ICAM2: variants seen among roughly 807,000 people sequenced by gnomAD.
The protein encoded by ICAM2 is intercellular adhesion molecule 2, also known as ICAM-2.
In ICAM2, 14 loss-of-function variants were observed where a neutral mutation model predicts 19.1. The ratio of observed to expected loss-of-function variants is 0.73; its 90% CI spans 0.48 to 1.15. The LOEUF is 1.15. Ranked by LOEUF, ICAM2 falls within the 50% of genes most tolerant of loss-of-function variation. ICAM2 has a pLI of 0.00. For missense variants in ICAM2, 311 were observed against 355.4 expected (o/e 0.88, Z 1.00); for synonymous variants, 153 against 152.7 (o/e 1.00, Z -0.01).
chr17:64,009,625 G>A (rs1214754382), intron 1 of ICAM2, among the ~76,000 whole-genome samples: 1 of 152,020 alleles, frequency 6.6e-6, no homozygotes, highest in Non-Finnish European at 1.5e-5. Context: ...AGTTACTGTG[G>A]GGCTTGCCCT....
chr17:64,015,197 A>G (rs934355221), intron 1 of ICAM2, among the ~76,000 whole-genome samples: 5 of 152,212 alleles, frequency 3.3e-5, no homozygotes, highest in African/African-American at 1.2e-4. Flanking sequence ...TGGGTTGCAA[A>G]ACAATGAGAA....
chr17:64,009,071 A>G (rs1911337886), intron 1 of ICAM2, among the ~76,000 whole-genome samples: 1 of 152,222 alleles, frequency 6.6e-6, no homozygotes, highest in Non-Finnish European at 1.5e-5. Context: ...CCGTTGACAC[A>G]TCAACCTTCC....
intron 2 of ICAM2, 170 bp downstream of exon 2, chr17:64,006,461 T>G (rs1027874630): frequency 1.1e-4 from 68 of 620,102 alleles, no homozygotes; most frequent in South Asian, 6.8e-4. Flanking sequence ...CATGCCACTG[T>G]ACTCCAGCCT....
chr17:64,011,053 A>G (rs1911431323), intron 1 of ICAM2, among the ~76,000 whole-genome samples: 2 of 152,238 alleles, frequency 1.3e-5, no homozygotes, highest in Non-Finnish European at 2.9e-5. Flanking sequence ...GGCACAGACC[A>G]GCCCAATGTC....
chr17:64,009,744 G>A (rs773698587), intron 1 of ICAM2, among the ~76,000 whole-genome samples: 11 of 152,176 alleles, frequency 7.2e-5, no homozygotes, highest in African/African-American at 2.7e-4. Flanking sequence ...TATTGCCCCA[G>A]AATTATGCAG....
chr17:64,009,303 G>GTT (rs57585786), intron 1 of ICAM2, among the ~76,000 whole-genome samples: 21 of 140,258 alleles, frequency 1.5e-4, no homozygotes, highest in South Asian at 2.3e-4. Flanking sequence ...AGCATTTACT[G>GTT]TTTTTTTTTT....
Position 64,002,665 on chromosome 17 carries a change from C to T in ICAM2, c.*82G>A. 1 of 1,295,164 alleles carries T rather than the reference C, an allele frequency of 7.7e-7. No individual in the cohort carries two copies. Among genetic ancestry groups the T allele is most frequent in the Non-Finnish European group, 1.1e-6 (1 of 927,670 alleles). 80.2% of individuals were successfully genotyped at this position (1,295,164 alleles called of 1,614,324 possible). A position where few individuals can be genotyped will look rare whatever the true frequency, so the allele number is the denominator to read the frequency against. On this transcript the variant is annotated 3_prime_UTR_variant, in exon 5 of 5. Transcript: ENST00000579788. ...GTCTCTGCTGCCTGTCACAGTCCTT[C>T]AGCCAGGGCTGGACCTCAACCCTGA...
intron 1 of ICAM2, among the ~76,000 whole-genome samples, chr17:64,014,330 GGAAAGAAAGAAA>G (rs1187209016): frequency 2.2e-4 from 7 of 31,146 alleles, no homozygotes; most frequent in African/African-American, 5.5e-4. Flanking sequence ...AAGGAAGGAA[GGAAAGAAAGAAA>G]GAAAGAAAGA....
At chr17:64,007,904 A>T (rs1911285781) in intron 1 of ICAM2, 1 of 152,212 alleles carries the variant, frequency 6.6e-6, no homozygotes, top group East Asian at 1.9e-4. Context: ...GGATCGCCAC[A>T]CAGTCTCATC....
At chr17:64,009,062 C>T (rs575192727) in intron 1 of ICAM2, among the ~76,000 whole-genome samples, 4 of 152,300 alleles carry the variant, frequency 2.6e-5, no homozygotes, top group South Asian at 2.1e-4. Flanking sequence ...GTATTCTAAC[C>T]GTTGACACAT....
chr17:64,019,344 C>T (rs1440146978), intron 1 of ICAM2, among the ~76,000 whole-genome samples: 1 of 152,010 alleles, frequency 6.6e-6, no homozygotes, highest in Non-Finnish European at 1.5e-5. Flanking sequence ...ATGATCATGC[C>T]TGTGAATAGC....
intron 1 of ICAM2, among the ~76,000 whole-genome samples, chr17:64,018,215 T>C (rs1358990766): frequency 1.3e-5 from 2 of 150,668 alleles, no homozygotes; most frequent in African/African-American, 2.4e-5. Context: ...GCACCTGTAG[T>C]CCCAGCTACT....
At chr17:64,014,330 G>GGAAAGAAAGAAAGAAAGAAA (rs1187209016) in intron 1 of ICAM2, among the ~76,000 whole-genome samples, 3 of 31,154 alleles carry the variant, frequency 9.6e-5, no homozygotes, top group African/African-American at 3.3e-4. Context: ...AAGGAAGGAA[G>GGAAAGAAAGAAAGAAAGAAA]GAAAGAAAGA....
Position 64,011,621 on chromosome 17 carries a change from G to A in ICAM2, c.-44-4886C>T, listed in dbSNP as rs1342271412. Among the ~76,000 whole-genome samples the A allele has an allele frequency of 3.3e-5, 5 of 152,196 alleles. No individual in the cohort carries two copies. In the South Asian group the frequency reaches 8.3e-4, roughly 25 times the overall value. On this transcript the variant is annotated intron_variant, in intron 1 of 4. Coordinates refer to ENST00000579788, the MANE Select transcript of ICAM2 (RefSeq NM_001099789.2). The stretch of plus-strand genomic sequence containing the variant: ...CAAGAGATAAGTGTTGATGACAGCT[G>A]GGCATGATGGCTCATGTCTGTAATC...
At chr17:64,006,417 C>A in intron 2 of ICAM2, 1 of 524,724 alleles carries the variant, frequency 1.9e-6, no homozygotes, top group Non-Finnish European at 3.4e-6. Flanking sequence ...GTGGGAGGAT[C>A]ACCCGAGCCC....
In ICAM2 at chr17:64,002,863, A is replaced by T; in HGVS notation, c.712T>A (p.Phe238Ile). 6.2e-7 allele frequency: 1 copy of T among 1,614,018 alleles called. No individual in the cohort carries two copies. Among genetic ancestry groups the T allele is most frequent in the Non-Finnish European group, 8.5e-7 (1 of 1,179,986 alleles). The change falls in exon 5 of 5, where the codon TTC (phenylalanine) becomes ATC (isoleucine). Residue 238 changes from phenylalanine (F) to isoleucine (I), a missense_variant. Phe to Ile is a conservative substitution (Grantham distance 21, BLOSUM62 0). Transcript: ENST00000579788. ...VTVVSVLLSL[F>I]VTSVLLCFIF... is the part of the protein sequence containing the mutation. ...AAGCAGAGCAGGACAGATGTCACGA[A>T]CAGGGACAGCAACACCGACACCACC...
intron 2 of ICAM2, 25 bp downstream of exon 2, chr17:64,006,606 C>A: frequency 6.2e-7 from 1 of 1,611,594 alleles, no homozygotes; most frequent in African/African-American, 1.3e-5. Flanking sequence ...TGTGCCAAAT[C>A]AGGAACCCCA....
chr17:64,016,532 A>G, intron 1 of ICAM2, among the ~76,000 whole-genome samples: 1 of 152,224 alleles, frequency 6.6e-6, no homozygotes, highest in East Asian at 1.9e-4. Context: ...GGGAGAGTTA[A>G]GGTCCCTAGA....
At chr17:64,014,702 GAAGGAAGGAAGGAAGGAAGGAAGA>G (rs1478643855) in intron 1 of ICAM2, among the ~76,000 whole-genome samples, 1,884 of 69,588 alleles carry the variant, frequency 0.027, 17 homozygotes, top group Middle Eastern at 0.044. Flanking sequence ...AGGAAGGAAG[GAAGGAAGGAAGGAAGGAAGGAAGA>G]AAGAAAGAAA....
Sources: gnomAD v4.1 joint callset for allele counts (sites outside exome capture counted in the v4.1 genomes callset) on GRCh38, gnomAD v4.1.1 for gene constraint, MANE v1.5 for transcripts, NCBI Gene and HGNC (gene_info 2026-07-23, HGNC 2026-07-21) for gene names.